Variants in NDOR1 observed in about 807,000 individuals in gnomAD.
NDOR1 encodes NADPH dependent diflavin oxidoreductase 1.
Under a neutral mutation model 67.2 loss-of-function variants are expected in NDOR1, and 61 were observed. The ratio of observed to expected loss-of-function variants is 0.91; its 90% CI spans 0.74 to 1.12. The LOEUF (loss-of-function observed/expected upper bound fraction) is 1.12, where lower values mean the gene tolerates loss of function less well. Among genes scored for constraint, NDOR1 ranks in the 50% most tolerant of loss-of-function variants. NDOR1 has a pLI of 0.00. For synonymous variants in NDOR1, 378 were observed against 343.7 expected (o/e 1.10, Z -1.10); for missense variants, 878 against 802.8 (o/e 1.09, Z -1.13).
At position 137,214,197 on chromosome 9, in the gene NDOR1, C is replaced by G. The variant is rs906430848; in HGVS notation, c.513-7C>G. 3.1e-6 allele frequency: 5 copies of G among 1,607,950 alleles called. No homozygotes were observed. Among genetic ancestry groups the G allele is most frequent in the African/African-American group, 1.3e-5 (1 of 74,780 alleles). The stretch of plus-strand genomic sequence containing the variant: ...GGTCCTGGTCTGACCAGCGTGCCCT[C>G]CCACAGCCTGCCCTCCAAGTTCACC... On this transcript the variant is annotated splice_region_variant and splice_polypyrimidine_tract_variant and intron_variant, in intron 5 of 13. Coordinates refer to ENST00000684003, the MANE Select transcript of NDOR1 (RefSeq NM_014434.4).
chr9:137,218,823 A>G lies in NDOR1; in HGVS notation c.*2407A>G. 2.5e-6 allele frequency: 1 copy of G among 394,414 alleles called. No individual in the cohort carries two copies. Among genetic ancestry groups the G allele is most frequent in the Non-Finnish European group, 4.5e-6 (1 of 223,896 alleles). The allele number at this position is 394,414 out of a possible 1,614,324, so 24.4% of individuals were successfully genotyped here. ...TCCATGGCTGCACTGCTGCCCAGACACTAGCTGAACCCAAGGACACCAGCG... is the reference window on the plus strand; with the variant it reads ...TCCATGGCTGCACTGCTGCCCAGACGCTAGCTGAACCCAAGGACACCAGCG... On this transcript the variant is annotated 3_prime_UTR_variant, in exon 14 of 14. Coordinates refer to ENST00000684003, the MANE Select transcript of NDOR1 (RefSeq NM_014434.4).
chr9:137,212,866 A>C lies in NDOR1; in HGVS notation c.311+267A>C. ...ACAGGCCTACCTGGCGCCGGTCCCC[A>C]CTTTTACAAAAAGGCGTGCTGTGAA... is the stretch of plus-strand genomic sequence containing the variant. On this transcript the variant is annotated intron_variant, in intron 3 of 13. Coordinates refer to ENST00000684003, the MANE Select transcript of NDOR1 (RefSeq NM_014434.4). The surrounding 1 kb of genome is among the most constrained non-coding windows in gnomAD (Gnocchi z 4.3). 1 of 472,974 alleles carries C rather than the reference A, an allele frequency of 2.1e-6. No homozygotes were observed. Among genetic ancestry groups the C allele is most frequent in the Admixed American group, 3.5e-5 (1 of 28,710 alleles). 29.3% of individuals were successfully genotyped at this position (472,974 alleles called of 1,614,324 possible). A position where few individuals can be genotyped will look rare whatever the true frequency, so the allele number is the denominator to read the frequency against.
At chr9:137,209,680 C>T (rs1018587111) in intron 2 of NDOR1, among the ~76,000 whole-genome samples, 5 of 152,212 alleles carry the variant, frequency 3.3e-5, no homozygotes, top group South Asian at 2.1e-4. Flanking sequence ...AACAGGAAGA[C>T]CCTGGCTCCT....
chr9:137,218,579 C>G lies in NDOR1; in HGVS notation c.*2163C>G. Reference sequence around the variant, plus strand: ...CCTGCTGCTGGGACTGCTCTTCGTGCTCCTGGACCGCTCTGGCCGCTGAGC... The same window carrying G: ...CCTGCTGCTGGGACTGCTCTTCGTGGTCCTGGACCGCTCTGGCCGCTGAGC... On this transcript the variant is annotated 3_prime_UTR_variant, in exon 14 of 14. Coordinates refer to ENST00000684003, the MANE Select transcript of NDOR1 (RefSeq NM_014434.4). 5.0e-6 allele frequency: 2 copies of G among 399,354 alleles called. No homozygotes were observed. The highest frequency in any genetic ancestry group is 8.8e-6 in the Non-Finnish European group (2 of 226,688). The allele number at this position is 399,354 out of a possible 1,614,324, so 24.7% of individuals were successfully genotyped here. A position where few individuals can be genotyped will look rare whatever the true frequency, so the allele number is the denominator to read the frequency against.
At chr9:137,216,237 G>A in intron 13 of NDOR1, 35 bp from the exon 14 acceptor site, 3 of 1,612,972 alleles carry the variant, frequency 1.9e-6, no homozygotes, top group Non-Finnish European at 2.5e-6. Context: ...CTGAGTGCCA[G>A]GCCTCATTGC....
At chr9:137,214,507 T>C (rs2131374487) in intron 6 of NDOR1, 63 bp from the exon 7 acceptor site, 1 of 1,609,302 alleles carries the variant, frequency 6.2e-7, no homozygotes, top group Non-Finnish European at 8.5e-7. Flanking sequence ...GGATGACTTC[T>C]ATCCGGGGCC....
intron 2 of NDOR1, among the ~76,000 whole-genome samples, chr9:137,207,233 G>T (rs7027347): frequency 3.3e-5 from 5 of 151,324 alleles, no homozygotes; most frequent in Admixed American, 3.3e-4. Flanking sequence ...GATCTGAGCT[G>T]AAGTGGTGGC....
At position 137,215,091 on chromosome 9, in the gene NDOR1, C is replaced by T; in HGVS notation, c.1066-4C>T. 2 of 1,613,782 alleles carry T rather than the reference C, an allele frequency of 1.2e-6. No individual in the cohort carries two copies. Among genetic ancestry groups the T allele is most frequent in the East Asian group, 2.2e-5 (1 of 44,882 alleles). ...GCAGCCACCCTGAGACTCTCTTTGC[C>T]TAGGTGCTCTGTGACTTCCCGCACA... On this transcript the variant is annotated splice_region_variant and splice_polypyrimidine_tract_variant and intron_variant, in intron 8 of 13. Transcript: ENST00000684003.
In NDOR1 at chr9:137,215,130, C is replaced by G. The variant is rs1318304887; in HGVS notation, c.1101C>G (p.Ile367Met). Residue 367 changes from isoleucine to methionine, a missense_variant, in exon 9 of 14, where the codon ATC (isoleucine) becomes ATG (methionine). Transcript: ENST00000684003. Reference protein sequence around the residue: ...LCDFPHTAAAIPPDYLLDLIP... With the variant: ...LCDFPHTAAAMPPDYLLDLIP... The stretch of plus-strand genomic sequence containing the variant: ...ACTTCCCGCACACAGCTGCCGCCAT[C>G]CCTCCCGACTACCTGTTGGACCTCA... The G allele has an allele frequency of 1.2e-6, 2 of 1,613,678 alleles. No homozygotes were observed. Among genetic ancestry groups the G allele is most frequent in the Non-Finnish European group, 1.7e-6 (2 of 1,180,008 alleles).
rs930354664 is a variant in NDOR1 at position 137,213,971 on chromosome 9, G to T, written c.415G>T (p.Asp139Tyr). Residue 139 changes from aspartate (D) to tyrosine (Y), a missense_variant, in exon 5 of 14, where the codon GAC (aspartate) becomes TAC (tyrosine). By Grantham distance (160) the Asp-to-Tyr change is radical. Transcript: ENST00000684003. ...AGCGCACGTGCTCCCTCCCAGGCCC[G>T]ACGCTGCTGTGGACCCCTGGCTGCG... is the stretch of plus-strand genomic sequence containing the variant. ...LGDDQHELGP[D>Y]AAVDPWLRDL... is the part of the protein sequence containing the mutation. 5 of 1,560,984 alleles carry T rather than the reference G, an allele frequency of 3.2e-6. No individual in the cohort carries two copies. Among genetic ancestry groups the T allele is most frequent in the Admixed American group, 3.9e-5 (2 of 51,784 alleles).
At chr9:137,207,158 G>A (rs770500253) in intron 2 of NDOR1, among the ~76,000 whole-genome samples, 23 of 152,186 alleles carry the variant, frequency 1.5e-4, no homozygotes, top group Admixed American at 5.2e-4. Flanking sequence ...TAGCAAAACC[G>A]CACTGGTCTG....
chr9:137,206,151 A>G, intron 1 of NDOR1, 81 bp from the exon 2 acceptor site: 1 of 1,560,596 alleles, frequency 6.4e-7, no homozygotes, highest in Non-Finnish European at 8.8e-7. Flanking sequence ...AGCCTGAGTA[A>G]AGGAGAAGGG....
Position 137,216,858 on chromosome 9 carries a change from GC to G in NDOR1, c.*447del. The G allele has an allele frequency of 1.4e-5, 3 of 213,452 alleles. No homozygotes were observed. Among genetic ancestry groups the G allele is most frequent in the South Asian group, 6.5e-5 (1 of 15,380 alleles). 13.2% of individuals were successfully genotyped at this position (213,452 alleles called of 1,614,324 possible). On this transcript the variant is annotated 3_prime_UTR_variant, in exon 14 of 14. Transcript: ENST00000684003. Reference sequence around the variant, plus strand: ...TGCCCAGCAGCACATTCCAGTCACTGCCCCCGCACTCCCACAGGGCTCAGGC... The same window carrying G: ...TGCCCAGCAGCACATTCCAGTCACTGCCCCGCACTCCCACAGGGCTCAGGC...
chr9:137,208,793 C>T (rs1408794272), intron 2 of NDOR1, among the ~76,000 whole-genome samples: 1 of 151,694 alleles, frequency 6.6e-6, no homozygotes, highest in African/African-American at 2.4e-5. Context: ...CACTACACTC[C>T]AGCCTGGGCG....
At chr9:137,208,042 G>A (rs1036361697) in intron 2 of NDOR1, among the ~76,000 whole-genome samples, 1 of 151,848 alleles carries the variant, frequency 6.6e-6, no homozygotes, top group Non-Finnish European at 1.5e-5. Flanking sequence ...AGCTACTCGG[G>A]AGGCTGAGGC....
chr9:137,207,480 C>T (rs1835027026), intron 2 of NDOR1, among the ~76,000 whole-genome samples: 1 of 151,914 alleles, frequency 6.6e-6, no homozygotes, highest in South Asian at 2.1e-4. Flanking sequence ...CAAGGAAGAT[C>T]CTGGGGCGGA....
chr9:137,206,215 T>C lies in NDOR1; in HGVS notation c.136-17T>C. 1 of 1,613,956 alleles carries C rather than the reference T, an allele frequency of 6.2e-7. No homozygotes were observed. The highest frequency in any genetic ancestry group is 8.5e-7 in the Non-Finnish European group (1 of 1,179,940). On this transcript the variant is annotated splice_polypyrimidine_tract_variant and intron_variant, in intron 1 of 13. Coordinates refer to ENST00000684003, the MANE Select transcript of NDOR1 (RefSeq NM_014434.4). ...CTTACAGCCGGAGGTCTTACGTGTG[T>C]GTGTCTTTTTGTTGAGGTGAATCTG...
At chr9:137,210,863 G>T (rs754656538) in intron 2 of NDOR1, among the ~76,000 whole-genome samples, 1 of 152,154 alleles carries the variant, frequency 6.6e-6, no homozygotes, top group African/African-American at 2.4e-5. Flanking sequence ...AAAAAAGGCC[G>T]GGCACGACGG....
Position 137,214,558 on chromosome 9 carries a change from T to G in NDOR1, c.723-12T>G, listed in dbSNP as rs1160087363. Reference sequence around the variant, plus strand: ...CGGCGTCCCCACAGCCCTGGTGGCTTCTTCCACACAGCTTTGCTGCTGGTG... The same window carrying G: ...CGGCGTCCCCACAGCCCTGGTGGCTGCTTCCACACAGCTTTGCTGCTGGTG... On this transcript the variant is annotated splice_polypyrimidine_tract_variant and intron_variant, in intron 6 of 13. Transcript: ENST00000684003. The G allele has an allele frequency of 5.6e-6, 9 of 1,611,188 alleles. No individual in the cohort carries two copies. Among genetic ancestry groups the G allele is most frequent in the Non-Finnish European group, 7.6e-6 (9 of 1,179,946 alleles).
Sources: gnomAD v4.1 joint callset for allele counts (sites outside exome capture counted in the v4.1 genomes callset) on GRCh38, gnomAD v4.1.1 for gene constraint, Gnocchi (gnomAD v3.1) non-coding constraint, MANE v1.5 for transcripts, NCBI Gene and HGNC (gene_info 2026-07-23, HGNC 2026-07-21) for gene names.